Variants in ETV6 observed in about 807,000 individuals in gnomAD.
ETV6 encodes the protein transcription factor ETV6.
In ETV6, 16 loss-of-function variants were observed where a neutral mutation model predicts 51.1. The ratio of observed to expected loss-of-function variants is 0.31; its 90% CI spans 0.21 to 0.48. The LOEUF (loss-of-function observed/expected upper bound fraction) is 0.48, where lower values mean the gene tolerates loss of function less well. Among genes scored for constraint, ETV6 ranks in the 20% least tolerant of loss-of-function variants. ETV6 has a pLI of 0.99. For missense variants in ETV6, 458 were observed against 594.8 expected, an observed-to-expected ratio of 0.77 and a Z score of 2.39; for synonymous variants, 240 against 224.1, an observed-to-expected ratio of 1.07 and a Z score of -0.64.
chr12:11,820,453 G>A (rs1053670859), intron 2 of ETV6, among the ~76,000 whole-genome samples: 2 of 152,162 alleles, frequency 1.3e-5, no homozygotes, highest in Admixed American at 1.3e-4. Flanking sequence ...TGAATGCTAA[G>A]AGAAAACAAA....
chr12:11,683,093 G>A (rs75265363), intron 1 of ETV6, among the ~76,000 whole-genome samples: 214 of 152,224 alleles, frequency 1.4e-3, no homozygotes, highest in African/African-American at 4.8e-3. Flanking sequence ...TCGCTCTCTC[G>A]CCCAGGCTTG....
At chr12:11,834,100 T>C (rs771431588) in intron 2 of ETV6, among the ~76,000 whole-genome samples, 3 of 152,202 alleles carry the variant, frequency 2.0e-5, no homozygotes, top group African/African-American at 2.4e-5. Flanking sequence ...GTCTACAAAC[T>C]GCAGTGGAGG....
intron 1 of ETV6, among the ~76,000 whole-genome samples, chr12:11,707,524 G>GT (rs1244513243): frequency 2.6e-5 from 4 of 152,102 alleles, no homozygotes; most frequent in Non-Finnish European, 5.9e-5. Context: ...ATCATGGGGC[G>GT]TTTTTTTCTA....
intron 2 of ETV6, among the ~76,000 whole-genome samples, chr12:11,800,925 A>G (rs1415768453): frequency 6.6e-6 from 1 of 152,232 alleles, no homozygotes; most frequent in Non-Finnish European, 1.5e-5. Context: ...TTTTAAAACA[A>G]GAATTAAAAA....
chr12:11,729,677 A>G (rs187763323), intron 1 of ETV6, among the ~76,000 whole-genome samples: 76 of 152,284 alleles, frequency 5.0e-4, no homozygotes, highest in African/African-American at 1.8e-3. Context: ...TCTTGACTCA[A>G]TACAGTCTTG....
At chr12:11,773,240 C>T (rs1945269154) in intron 2 of ETV6, among the ~76,000 whole-genome samples, 1 of 150,112 alleles carries the variant, frequency 6.7e-6, no homozygotes, top group Non-Finnish European at 1.5e-5. Flanking sequence ...TGCCTTGTCA[C>T]CTTTTTGTCT....
At chr12:11,698,041 T>C (rs1398174718) in intron 1 of ETV6, among the ~76,000 whole-genome samples, 1 of 152,234 alleles carries the variant, frequency 6.6e-6, no homozygotes, top group South Asian at 2.1e-4. Flanking sequence ...CCTTGTTTGA[T>C]GAAATACCAT....
At chr12:11,815,041 C>A (rs1033592543) in intron 2 of ETV6, among the ~76,000 whole-genome samples, 1 of 152,142 alleles carries the variant, frequency 6.6e-6, no homozygotes, top group Non-Finnish European at 1.5e-5. Flanking sequence ...AAATGATGCA[C>A]CCCACTTTCC....
At chr12:11,766,550 G>T (rs1945163917) in intron 2 of ETV6, among the ~76,000 whole-genome samples, 1 of 152,060 alleles carries the variant, frequency 6.6e-6, no homozygotes, top group African/African-American at 2.4e-5. Context: ...GCCATTAGCT[G>T]CCACCAGCTC....
chr12:11,793,466 C>G (rs1252043762), intron 2 of ETV6, among the ~76,000 whole-genome samples: 3 of 152,194 alleles, frequency 2.0e-5, no homozygotes, highest in Admixed American at 2.0e-4. Context: ...ACAAAGAAAG[C>G]CATGCTGTTC....
At chr12:11,821,033 A>G (rs1453923363) in intron 2 of ETV6, among the ~76,000 whole-genome samples, 1 of 152,196 alleles carries the variant, frequency 6.6e-6, no homozygotes, top group Non-Finnish European at 1.5e-5. Flanking sequence ...GGCAGAGCCA[A>G]TAACACTTAC....
chr12:11,729,809 A>G (rs911437791), intron 1 of ETV6, among the ~76,000 whole-genome samples: 4 of 152,182 alleles, frequency 2.6e-5, no homozygotes, highest in Non-Finnish European at 5.9e-5. Context: ...ACATGTCTGA[A>G]GTAGAAGGTC....
At chr12:11,747,666 A>G (rs1457760752) in intron 1 of ETV6, among the ~76,000 whole-genome samples, 2 of 152,198 alleles carry the variant, frequency 1.3e-5, no homozygotes, top group East Asian at 3.8e-4. Flanking sequence ...AAAATATTCA[A>G]TAGCTTTTTT....
intron 1 of ETV6, among the ~76,000 whole-genome samples, chr12:11,717,585 C>T (rs1347150757): frequency 6.6e-6 from 1 of 152,202 alleles, no homozygotes; most frequent in Non-Finnish European, 1.5e-5. Flanking sequence ...TGTCTGAGAA[C>T]ATTAATAAAA....
chr12:11,794,168 G>C (rs1242354437), intron 2 of ETV6, among the ~76,000 whole-genome samples: 4 of 152,140 alleles, frequency 2.6e-5, no homozygotes, highest in Admixed American at 2.6e-4. Context: ...CGATCAATCA[G>C]CCTCTCTCTT....
intron 1 of ETV6, among the ~76,000 whole-genome samples, chr12:11,715,056 G>A (rs7133092): frequency 0.053 from 8,082 of 152,134 alleles, 679 homozygotes; most frequent in African/African-American, 0.18. Context: ...TGTGGAGATC[G>A]TTTTGAGATT....
At chr12:11,708,882 T>C (rs1332567666) in intron 1 of ETV6, among the ~76,000 whole-genome samples, 1 of 152,216 alleles carries the variant, frequency 6.6e-6, no homozygotes, top group African/African-American at 2.4e-5. Flanking sequence ...TGTAAGAAAC[T>C]GTCCCAGAAT....
At chr12:11,662,389 T>C (rs1364145355) in intron 1 of ETV6, among the ~76,000 whole-genome samples, 1 of 152,222 alleles carries the variant, frequency 6.6e-6, no homozygotes, top group Non-Finnish European at 1.5e-5. Context: ...CTTCTGACAG[T>C]CACTAGCCAG....
At chr12:11,679,309 G>C (rs995686072) in intron 1 of ETV6, among the ~76,000 whole-genome samples, 1 of 151,972 alleles carries the variant, frequency 6.6e-6, no homozygotes, top group Non-Finnish European at 1.5e-5. Flanking sequence ...GTAGAAGAAA[G>C]AAAGAAAAAA....
Sources: gnomAD v4.1 joint callset for allele counts (sites outside exome capture counted in the v4.1 genomes callset) on GRCh38, gnomAD v4.1.1 for gene constraint, MANE v1.5 for transcripts, NCBI Gene and HGNC (gene_info 2026-07-23, HGNC 2026-07-21) for gene names.